The following CTIF variants were observed in gnomAD, a reference collection of about 807,000 sequenced individuals.
The protein encoded by CTIF is CBP80/20-dependent translation initiation factor.
CTIF carries 21 observed loss-of-function variants against 66.0 expected under a neutral mutation model. The ratio of observed to expected loss-of-function variants is 0.32; its 90% CI spans 0.23 to 0.46. The LOEUF is 0.46. Among genes scored for constraint, CTIF ranks in the 20% least tolerant of loss-of-function variants. CTIF has a pLI of 1.00. For synonymous variants in CTIF, 345 were observed against 326.4 expected (o/e 1.06, Z -0.62); for missense variants, 739 against 812.7 (o/e 0.91, Z 1.10).
intron 3 of CTIF, among the ~76,000 whole-genome samples, chr18:48,655,519 G>A (rs969230695): frequency 2.0e-5 from 3 of 152,138 alleles, no homozygotes; most frequent in African/African-American, 7.2e-5. Context: ...ATGGAATCTG[G>A]AAGGACATCC....
chr18:48,654,610 C>T (rs560180975), intron 3 of CTIF, among the ~76,000 whole-genome samples: 12 of 152,260 alleles, frequency 7.9e-5, no homozygotes, highest in Non-Finnish European at 1.8e-4. Context: ...TTGACCCAGC[C>T]ATCCCATTAC....
At chr18:48,815,194 C>G (rs1002040505) in intron 9 of CTIF, among the ~76,000 whole-genome samples, 2 of 152,204 alleles carry the variant, frequency 1.3e-5, no homozygotes, top group African/African-American at 4.8e-5. Flanking sequence ...CTATATGTAT[C>G]CCATTGCATC....
At chr18:48,714,206 C>T (rs534055128) in intron 7 of CTIF, among the ~76,000 whole-genome samples, 44 of 152,178 alleles carry the variant, frequency 2.9e-4, no homozygotes, top group Non-Finnish European at 5.6e-4. Flanking sequence ...GCATATTTGA[C>T]CTTGGAAGTC....
chr18:48,835,348 A>G (rs1219985825), intron 10 of CTIF, among the ~76,000 whole-genome samples: 1 of 152,164 alleles, frequency 6.6e-6, no homozygotes. Context: ...GGCTGTGCTG[A>G]TGGTCTTACA....
chr18:48,719,068 T>C lies in CTIF; in HGVS notation c.584+7373T>C, dbSNP rs369991566. ...TCTTAATTCTACGCTGTCTGCCCCA[T>C]CAGTAGCCTCATGTGTCCCTCTGAC... is the stretch of plus-strand genomic sequence containing the variant. On this transcript the variant is annotated intron_variant, in intron 7 of 11. Coordinates refer to ENST00000256413, the MANE Select transcript of CTIF (RefSeq NM_014772.3). Among the ~76,000 whole-genome samples the C allele has an allele frequency of 2.0e-5, 3 of 152,198 alleles. No homozygotes were observed. The South Asian group carries it at 6.2e-4, about 31-fold the overall frequency.
intron 6 of CTIF, among the ~76,000 whole-genome samples, chr18:48,710,026 A>G (rs907478804): frequency 2.6e-5 from 4 of 152,210 alleles, no homozygotes; most frequent in African/African-American, 7.2e-5. Context: ...TTGTTCTCCC[A>G]TTACCTCTCT....
intron 1 of CTIF, among the ~76,000 whole-genome samples, chr18:48,544,876 C>G (rs1209212280): frequency 6.6e-6 from 1 of 152,170 alleles, no homozygotes; most frequent in African/African-American, 2.4e-5. Flanking sequence ...CAGGTACAGC[C>G]CCCTGCCTTC....
intron 10 of CTIF, among the ~76,000 whole-genome samples, chr18:48,821,091 G>A (rs964483906): frequency 3.9e-5 from 6 of 152,168 alleles, no homozygotes; most frequent in Non-Finnish European, 8.8e-5. Context: ...AGTCATCTCT[G>A]CCTCTCTGTC....
intron 9 of CTIF, among the ~76,000 whole-genome samples, chr18:48,776,342 C>T (rs1160215230): frequency 1.3e-5 from 2 of 151,456 alleles, no homozygotes; most frequent in Non-Finnish European, 2.9e-5. Flanking sequence ...CACAGAGGTG[C>T]AGTGCTCGCT....
At chr18:48,829,054 G>A (rs745830300) in intron 10 of CTIF, among the ~76,000 whole-genome samples, 35 of 152,242 alleles carry the variant, frequency 2.3e-4, no homozygotes, top group Non-Finnish European at 4.7e-4. Context: ...GGAGGGGACC[G>A]GCAGCTGCTG....
At chr18:48,740,139 A>G (rs1434306519) in intron 7 of CTIF, among the ~76,000 whole-genome samples, 1 of 152,222 alleles carries the variant, frequency 6.6e-6, no homozygotes, top group Non-Finnish European at 1.5e-5. Flanking sequence ...AGGCAAAGCC[A>G]GGGCCTGGAT....
At chr18:48,780,682 T>G (rs1178877203) in intron 9 of CTIF, among the ~76,000 whole-genome samples, 1 of 152,190 alleles carries the variant, frequency 6.6e-6, no homozygotes, top group Non-Finnish European at 1.5e-5. Context: ...TGCTGGGCTG[T>G]CTCAGCCACT....
chr18:48,602,504 G>T (rs1262283144), intron 1 of CTIF, among the ~76,000 whole-genome samples: 1 of 152,216 alleles, frequency 6.6e-6, no homozygotes, highest in African/African-American at 2.4e-5. Context: ...TTTCTCTGTG[G>T]TTCATAAAAT....
chr18:48,636,605 G>A lies in CTIF; in HGVS notation c.181-9G>A, dbSNP rs764032323. 6 of 1,549,044 alleles carry A rather than the reference G, an allele frequency of 3.9e-6. No homozygotes were observed. The highest frequency in any genetic ancestry group is 1.4e-5 in the African/African-American group (1 of 72,592). On this transcript the variant is annotated splice_polypyrimidine_tract_variant and intron_variant, in intron 2 of 11. Coordinates refer to ENST00000256413, the MANE Select transcript of CTIF (RefSeq NM_014772.3). ...CTGCCGTCACTGATCGCTCCTTTCT[G>A]TTCTGCAGTGGACAGCGGACTGCAG... is the stretch of plus-strand genomic sequence containing the variant.
At chr18:48,593,644 A>C (rs2089935004) in intron 1 of CTIF, among the ~76,000 whole-genome samples, 1 of 151,876 alleles carries the variant, frequency 6.6e-6, no homozygotes, top group African/African-American at 2.4e-5. Context: ...AGCCTCCCAA[A>C]GTGCTGGGAT....
At chr18:48,640,913 G>C (rs1568096726) in intron 3 of CTIF, among the ~76,000 whole-genome samples, 1 of 152,242 alleles carries the variant, frequency 6.6e-6, no homozygotes, top group Non-Finnish European at 1.5e-5. Flanking sequence ...AGAAGAGATT[G>C]GGTCCCACGA....
At chr18:48,614,199 T>C (rs187164811) in intron 1 of CTIF, among the ~76,000 whole-genome samples, 2 of 152,294 alleles carry the variant, frequency 1.3e-5, no homozygotes, top group East Asian at 3.9e-4. Context: ...AATGAGACAC[T>C]GAGCCAGGCT....
intron 2 of CTIF, among the ~76,000 whole-genome samples, chr18:48,625,994 T>C (rs2090586176): frequency 7.9e-6 from 1 of 126,336 alleles, no homozygotes; most frequent in African/African-American, 3.3e-5. Flanking sequence ...TTATTTCTTT[T>C]TCTTTCTTTT....
At chr18:48,656,896 C>A (rs966117315) in intron 3 of CTIF, among the ~76,000 whole-genome samples, 1 of 152,192 alleles carries the variant, frequency 6.6e-6, no homozygotes, top group East Asian at 1.9e-4. Context: ...GAATTGCCAA[C>A]TGCAGAATGT....
Sources: allele counts gnomAD v4.1 joint callset (sites outside exome capture counted in the v4.1 genomes callset), GRCh38; gene constraint gnomAD v4.1.1; transcripts MANE v1.5; gene names NCBI Gene and HGNC (gene_info 2026-07-23, HGNC 2026-07-21).